SLC25A46: variants seen among roughly 807,000 people sequenced by gnomAD.
SLC25A46 encodes mitochondrial outer membrane protein SLC25A46.
In SLC25A46, 39 loss-of-function variants were observed where a neutral mutation model predicts 44.6. That is an observed-to-expected ratio of 0.87 (90% CI 0.68 to 1.14). The LOEUF (loss-of-function observed/expected upper bound fraction) is 1.14, where lower values mean the gene tolerates loss of function less well. Ranked by LOEUF, SLC25A46 falls within the 50% of genes most tolerant of loss-of-function variation. SLC25A46 has a pLI of 0.00. For synonymous variants in SLC25A46, 202 were observed against 185.8 expected, an observed-to-expected ratio of 1.09 and a Z score of -0.71; for missense variants, 547 against 522.7, an observed-to-expected ratio of 1.05 and a Z score of -0.45.
intron 7 of SLC25A46, among the ~76,000 whole-genome samples, chr5:110,759,883 C>G (rs565430619): frequency 3.0e-4 from 45 of 152,160 alleles, no homozygotes; most frequent in African/African-American, 9.6e-4. Flanking sequence ...TTTTAAATAT[C>G]ATCTATTTAC....
chr5:110,760,351 C>A (rs1398272337), intron 7 of SLC25A46, among the ~76,000 whole-genome samples: 1 of 152,112 alleles, frequency 6.6e-6, no homozygotes, highest in Non-Finnish European at 1.5e-5. Flanking sequence ...AACTTTTGAA[C>A]TGGTTTCTCA....
At chr5:110,747,432 G>T (rs1312392998) in intron 4 of SLC25A46, among the ~76,000 whole-genome samples, 1 of 152,048 alleles carries the variant, frequency 6.6e-6, no homozygotes, top group African/African-American at 2.4e-5. Flanking sequence ...GGATTATCCC[G>T]ATAAATTTTA....
At chr5:110,753,707 A>G (rs1366591654) in intron 5 of SLC25A46, 1 of 152,060 alleles carries the variant, frequency 6.6e-6, no homozygotes, top group Non-Finnish European at 1.5e-5. Flanking sequence ...GCATTTTTTT[A>G]AATACTTGGT....
At position 110,748,196 on chromosome 5, in the gene SLC25A46, A is replaced by G; in HGVS notation, c.496A>G (p.Thr166Ala). 6.2e-7 allele frequency: 1 copy of G among 1,613,632 alleles called. No homozygotes were observed. The highest frequency in any genetic ancestry group is 1.3e-5 in the African/African-American group (1 of 75,034). ...AGCCCTGTGGAAAGGAATGGGAAGTACATTTATTGTCCAGGGAGTCACACT... is the reference window on the plus strand; with the variant it reads ...AGCCCTGTGGAAAGGAATGGGAAGTGCATTTATTGTCCAGGGAGTCACACT... ...PRALWKGMGS[T>A]FIVQGVTLGA... The change falls in exon 5 of 8, where the codon ACA becomes GCA. Residue 166 changes from threonine to alanine, a missense_variant. Physicochemically the swap from Thr to Ala is moderately conservative, Grantham distance 58. Transcript: ENST00000355943.
chr5:110,762,914 A>C lies in SLC25A46; in HGVS notation c.*1132A>C, dbSNP rs1436204351. On this transcript the variant is annotated 3_prime_UTR_variant, in exon 8 of 8. Coordinates refer to ENST00000355943, the MANE Select transcript of SLC25A46 (RefSeq NM_138773.4). Reference sequence around the variant, plus strand: ...GGAGGGAAAAGCAATTATTCTTATCACCTTTTATTTAAACTTCTTTAGATG... The same window carrying C: ...GGAGGGAAAAGCAATTATTCTTATCCCCTTTTATTTAAACTTCTTTAGATG... The C allele has an allele frequency of 1.3e-5, 2 of 151,734 alleles. No homozygotes were observed. Among genetic ancestry groups the C allele is most frequent in the Middle Eastern group, 3.2e-3 (1 of 316 alleles). The allele number at this position is 151,734 out of a possible 1,614,324, so 9.4% of individuals were successfully genotyped here. A position where few individuals can be genotyped will look rare whatever the true frequency, so the allele number is the denominator to read the frequency against.
At chr5:110,741,841 A>AC in intron 1 of SLC25A46, 2 of 495,916 alleles carry the variant, frequency 4.0e-6, no homozygotes, top group Non-Finnish European at 7.1e-6. Flanking sequence ...AACACTCTAC[A>AC]CCTTGCAATT....
chr5:110,738,550 A>C (rs1207284586), upstream of SLC25A46, among the ~76,000 whole-genome samples: 1 of 151,946 alleles, frequency 6.6e-6, no homozygotes, highest in Non-Finnish European at 1.5e-5. Flanking sequence ...CTCTCAATAG[A>C]TTTGATCCAA....
intron 5 of SLC25A46, among the ~76,000 whole-genome samples, chr5:110,748,875 TG>T (rs1289425613): frequency 6.6e-6 from 1 of 152,208 alleles, no homozygotes; most frequent in Non-Finnish European, 1.5e-5. Flanking sequence ...AATACGATTG[TG>T]CCTTTTTAAG....
chr5:110,759,228 GA>G (rs2150417705), intron 7 of SLC25A46, among the ~76,000 whole-genome samples: 1 of 152,230 alleles, frequency 6.6e-6, no homozygotes, highest in East Asian at 1.9e-4. Context: ...ATAAAGCAAG[GA>G]AGGCAAATAG....
intron 7 of SLC25A46, among the ~76,000 whole-genome samples, chr5:110,758,793 AAAAG>A (rs966903317): frequency 1.2e-4 from 18 of 152,170 alleles, no homozygotes; most frequent in South Asian, 4.1e-4. Context: ...AAAAAAATAA[AAAAG>A]AAAGAAAGAA....
rs549986323 is a variant in SLC25A46, at chr5:110,760,121, A to G, written c.679-1083A>G. 4.6e-5 allele frequency among the ~76,000 whole-genome samples: 7 copies of G among 152,034 alleles called. No homozygotes were observed. In the South Asian group the frequency reaches 1.0e-3, roughly 23 times the overall value. On this transcript the variant is annotated intron_variant, in intron 7 of 7. Transcript: ENST00000355943. ...TCTTCACCAAATTGCTACTCTGGCAATTTTTCATCTCAATAAAAGGCAGTG... is the reference window on the plus strand; with the variant it reads ...TCTTCACCAAATTGCTACTCTGGCAGTTTTTCATCTCAATAAAAGGCAGTG...
chr5:110,738,208 G>A (rs2150400075), upstream of SLC25A46: 3 of 1,286,826 alleles, frequency 2.3e-6, no homozygotes, highest in South Asian at 2.5e-5. Context: ...GATCTGGGGA[G>A]GGAGCCTGGC....
At chr5:110,746,212 C>G in intron 3 of SLC25A46, 57 bp from the exon 4 acceptor site, 2 of 1,304,346 alleles carry the variant, frequency 1.5e-6, no homozygotes, top group Non-Finnish European at 2.1e-6. Flanking sequence ...TTTCATGGCT[C>G]TGTTATTTCT....
chr5:110,759,616 C>G (rs1042322733), intron 7 of SLC25A46, among the ~76,000 whole-genome samples: 2 of 151,844 alleles, frequency 1.3e-5, no homozygotes, highest in African/African-American at 4.8e-5. Context: ...GGGGGGAATA[C>G]AGGAGATGAG....
At chr5:110,756,446 T>A (rs1580866894) in intron 6 of SLC25A46, among the ~76,000 whole-genome samples, 1 of 152,130 alleles carries the variant, frequency 6.6e-6, no homozygotes, top group African/African-American at 2.4e-5. Flanking sequence ...TATGTGTAGG[T>A]AGATGTCCAA....
In SLC25A46 at chr5:110,761,623, T is replaced by C; in HGVS notation, c.1098T>C (p.Tyr366=). 1 of 1,613,662 alleles carries C rather than the reference T, an allele frequency of 6.2e-7. No individual in the cohort carries two copies. The highest frequency in any genetic ancestry group is 1.1e-5 in the South Asian group (1 of 91,074). The change falls in exon 8 of 8, where the codon TAT becomes TAC. Residue 366 remains tyrosine (Y), a synonymous_variant. Transcript: ENST00000355943. This position sits in a 1 kb window ranked among gnomAD's most constrained non-coding sequence, Gnocchi z 5.3. ...GYEVLPINTQ[Y]EGMRDCINTI... The stretch of plus-strand genomic sequence containing the variant: ...AAGTGCTTCCAATTAATACACAATA[T>C]GAGGGAATGAGAGACTGTATCAATA...
rs1415868978 is a variant in SLC25A46, at chr5:110,739,445, G to C, written c.283+43G>C. On this transcript the variant is annotated intron_variant, in intron 1 of 7. Transcript: ENST00000355943. ...CGACACAGGGATGAGGGGTTACTGG[G>C]GCCGCGGCTTGCGGCCTGCAGACCC... is the stretch of plus-strand genomic sequence containing the variant. The C allele has an allele frequency of 3.3e-6, 5 of 1,500,056 alleles. No individual in the cohort carries two copies. The African/African-American group carries it at 5.7e-5, about 17-fold the overall frequency. The allele number at this position is 1,500,056 out of a possible 1,614,324, so 92.9% of individuals were successfully genotyped here.
rs1351450459 is a variant in SLC25A46, at chr5:110,761,587, C to A, written c.1062C>A (p.Asp354Glu). The change falls in exon 8 of 8, where the codon GAC becomes GAA. Residue 354 changes from aspartate to glutamate, a missense_variant. Physicochemically the swap from Asp to Glu is conservative, Grantham distance 45. Coordinates refer to ENST00000355943, the MANE Select transcript of SLC25A46 (RefSeq NM_138773.4). The surrounding 1 kb of genome is among the most constrained non-coding windows in gnomAD (Gnocchi z 5.3). ...QGTRTIIDNT[D>E]LGYEVLPINT... ...CACGCACAATAATTGACAATACAGA[C>A]CTTGGCTATGAAGTGCTTCCAATTA... 1.9e-6 allele frequency: 3 copies of A among 1,613,698 alleles called. No homozygotes were observed. The highest frequency in any genetic ancestry group is 1.1e-5 in the South Asian group (1 of 91,078).
At chr5:110,760,401 T>G (rs1800219600) in intron 7 of SLC25A46, among the ~76,000 whole-genome samples, 3 of 152,090 alleles carry the variant, frequency 2.0e-5, no homozygotes, top group African/African-American at 7.2e-5. Flanking sequence ...CAGTATTCTT[T>G]CAAAATACAA....
Sources: gnomAD v4.1 joint callset for allele counts (sites outside exome capture counted in the v4.1 genomes callset) on GRCh38, gnomAD v4.1.1 for gene constraint, Gnocchi (gnomAD v3.1) non-coding constraint, MANE v1.5 for transcripts, NCBI Gene and HGNC (gene_info 2026-07-23, HGNC 2026-07-21) for gene names.